Variants in MYOM1 observed in about 807,000 individuals in gnomAD.
MYOM1 encodes the protein myomesin-1.
A neutral mutation model predicts 205.3 loss-of-function variants in MYOM1; 164 were observed. The observed-to-expected ratio is 0.80, with a 90% CI of 0.70 to 0.91. The LOEUF is 0.91. Among genes scored for constraint, MYOM1 ranks in the 40% least tolerant of loss-of-function variants. MYOM1 has a pLI of 0.00. For synonymous variants in MYOM1, 772 were observed against 789.4 expected (o/e 0.98, Z 0.37); for missense variants, 2,011 against 2,127.3 (o/e 0.95, Z 1.08).
At chr18:3,149,444 C>G (rs899757716) in intron 12 of MYOM1, among the ~76,000 whole-genome samples, 2 of 152,294 alleles carry the variant, frequency 1.3e-5, no homozygotes, top group Non-Finnish European at 2.9e-5. Context: ...GTAGATGTTT[C>G]TGGAACTGTA....
chr18:3,132,150 A>AAT (rs762831552), intron 16 of MYOM1, among the ~76,000 whole-genome samples: 2,204 of 142,330 alleles, frequency 0.015, 29 homozygotes, highest in Non-Finnish European at 0.025. Context: ...TATACTCTAA[A>AAT]ATATATATAT....
Position 3,089,533 on chromosome 18 carries a change from T to G in MYOM1, c.4069+4A>C, listed in dbSNP as rs80328493. 2,346 of 1,605,576 alleles carry G rather than the reference T, an allele frequency of 1.5e-3. 29 individuals are homozygous for G. In the African/African-American group the frequency reaches 0.028, roughly 19 times the overall value. On this transcript the variant is annotated splice_donor_region_variant and intron_variant, in intron 28 of 37. Transcript: ENST00000356443. The stretch of plus-strand genomic sequence containing the variant: ...TTTTCTCTTTATCCACGGCCTATTT[T>G]TACCTTGTTTCCTGATCCATTCTTG...
intron 33 of MYOM1, among the ~76,000 whole-genome samples, chr18:3,083,427 CTTTTTT>C (rs35959808): frequency 1.2e-4 from 12 of 98,526 alleles, no homozygotes; most frequent in Admixed American, 2.7e-4. Context: ...TTTTCTTTTT[CTTTTTT>C]TTTTTTTTTT....
At chr18:3,151,626 A>G (rs1057161160) in intron 12 of MYOM1, 68 bp downstream of exon 12, 1 of 1,410,420 alleles carries the variant, frequency 7.1e-7, no homozygotes, top group Admixed American at 2.2e-5. Flanking sequence ...CAACCTTGCA[A>G]TGAAGCTGAT....
At position 3,215,013 on chromosome 18, in the gene MYOM1, G is replaced by C. The variant is rs774369565; in HGVS notation, c.211C>G (p.Gln71Glu). ...CTCAGGGCGTGCTGCGAGGCCTGCT[G>C]CTGGGAGGAGGAGGCGGACGCCCGA... ...FRRASASSSQ[Q>E]QASQHALSSE... Residue 71 changes from glutamine to glutamate, a missense_variant, in exon 2 of 38, where the codon CAG (glutamine) becomes GAG (glutamate). Gln to Glu is a conservative substitution (Grantham distance 29). Transcript: ENST00000356443. 2 of 1,612,350 alleles carry C rather than the reference G, an allele frequency of 1.2e-6. No homozygotes were observed. The highest frequency in any genetic ancestry group is 1.7e-4 in the Middle Eastern group (1 of 5,912).
At chr18:3,126,335 T>TC (rs398120109) in intron 19 of MYOM1, among the ~76,000 whole-genome samples, 13 of 150,238 alleles carry the variant, frequency 8.7e-5, no homozygotes, top group Middle Eastern at 3.4e-3. Flanking sequence ...TTTTTTTTTT[T>TC]CCCCCTCAAC....
In MYOM1 at chr18:3,215,224, C is replaced by T; in HGVS notation, c.-1G>A. 6.2e-7 allele frequency: 1 copy of T among 1,606,238 alleles called. No individual in the cohort carries two copies. Reference sequence around the variant, plus strand: ...ACCTCTGATAAAAAGGCAAAGACATCCTGTGCCCCTTGAAGGAACCGGGCC... The same window carrying T: ...ACCTCTGATAAAAAGGCAAAGACATTCTGTGCCCCTTGAAGGAACCGGGCC... On this transcript the variant is annotated 5_prime_UTR_variant, in exon 2 of 38. Transcript: ENST00000356443.
intron 1 of MYOM1, chr18:3,217,251 C>T (rs2081279825): frequency 6.6e-6 from 1 of 152,300 alleles, no homozygotes; most frequent in South Asian, 2.1e-4. Context: ...CTAGAGGTGA[C>T]AGGGGTAGCA....
intron 10 of MYOM1, among the ~76,000 whole-genome samples, chr18:3,161,581 G>A (rs2080391683): frequency 1.3e-5 from 2 of 152,320 alleles, no homozygotes; most frequent in Middle Eastern, 6.8e-3. Context: ...ATGAGAACCT[G>A]GGACAGTACC....
At chr18:3,182,716 C>T (rs998689382) in intron 5 of MYOM1, among the ~76,000 whole-genome samples, 2 of 152,042 alleles carry the variant, frequency 1.3e-5, no homozygotes, top group African/African-American at 2.4e-5. Context: ...AACATAAATG[C>T]TTTTTTCTTC....
chr18:3,228,082 T>A, the MYOM1 span, among the ~76,000 whole-genome samples: 1 of 152,194 alleles, frequency 6.6e-6, no homozygotes, highest in Non-Finnish European at 1.5e-5. This position sits in a 1 kb window ranked among gnomAD's most constrained non-coding sequence, Gnocchi z 4.5. Flanking sequence ...GCTTTACTCC[T>A]GACAGCAAGA....
intron 5 of MYOM1, among the ~76,000 whole-genome samples, chr18:3,178,414 A>G (rs572164536): frequency 6.6e-6 from 1 of 152,278 alleles, no homozygotes; most frequent in Admixed American, 6.5e-5. Flanking sequence ...GACCCACATG[A>G]TGCTTCCATT....
chr18:3,150,309 G>C (rs1279071167), intron 12 of MYOM1, among the ~76,000 whole-genome samples: 1 of 152,126 alleles, frequency 6.6e-6, no homozygotes, highest in Non-Finnish European at 1.5e-5. Context: ...TGATCCACCC[G>C]CCTCGACCTC....
In MYOM1 at chr18:3,089,498, A is replaced by T. The variant is rs1240983708; in HGVS notation, c.4069+39T>A. The T allele has an allele frequency of 2.6e-6, 4 of 1,523,948 alleles. No individual in the cohort carries two copies. The African/African-American group carries it at 4.1e-5, about 16-fold the overall frequency. The allele number at this position is 1,523,948 out of a possible 1,614,324, so 94.4% of individuals were successfully genotyped here. A position where few individuals can be genotyped will look rare whatever the true frequency, so the allele number is the denominator to read the frequency against. On this transcript the variant is annotated intron_variant, in intron 28 of 37. Coordinates refer to ENST00000356443, the MANE Select transcript of MYOM1 (RefSeq NM_003803.4). ...TAACCTTGGAATCTTTTGTACAAAAAAATTAAAAATTTTCTCTTTATCCAC... is the reference window on the plus strand; with the variant it reads ...TAACCTTGGAATCTTTTGTACAAAATAATTAAAAATTTTCTCTTTATCCAC...
chr18:3,142,894 T>C (rs1253333240), intron 13 of MYOM1, among the ~76,000 whole-genome samples: 2 of 152,174 alleles, frequency 1.3e-5, no homozygotes, highest in African/African-American at 4.8e-5. Context: ...AAAGTTGGTC[T>C]TATCAGGCAG....
chr18:3,215,912 G>A (rs1165786005), intron 1 of MYOM1, among the ~76,000 whole-genome samples: 1 of 152,174 alleles, frequency 6.6e-6, no homozygotes, highest in Non-Finnish European at 1.5e-5. Flanking sequence ...GAGTCATGTG[G>A]TGTTCATTCA....
the MYOM1 span, among the ~76,000 whole-genome samples, chr18:3,238,747 T>C: frequency 1.8e-4 from 28 of 152,312 alleles, no homozygotes; most frequent in South Asian, 5.8e-3. Context: ...TCAGGGAGAC[T>C]GTGTTCCTTT....
chr18:3,102,763 C>A (rs1404563692), intron 22 of MYOM1, 133 bp from the exon 23 acceptor site: 6 of 847,266 alleles, frequency 7.1e-6, no homozygotes, highest in Non-Finnish European at 1.1e-5. Flanking sequence ...CTTCACTACT[C>A]ATGCAGGTGG....
chr18:3,225,914 T>C, the MYOM1 span, among the ~76,000 whole-genome samples: 1 of 152,204 alleles, frequency 6.6e-6, no homozygotes, highest in Non-Finnish European at 1.5e-5. Context: ...TGGGTTGACT[T>C]AGACTGAAGT....
Sources: allele counts gnomAD v4.1 joint callset (sites outside exome capture counted in the v4.1 genomes callset), GRCh38; gene constraint gnomAD v4.1.1; non-coding constraint Gnocchi (gnomAD v3.1); transcripts MANE v1.5; gene names NCBI Gene and HGNC (gene_info 2026-07-23, HGNC 2026-07-21).